RBFOX2: variants seen among roughly 807,000 people sequenced by gnomAD.
RBFOX2 encodes the protein RNA binding fox-1 homolog 2, also known as RNA binding protein fox-1 homolog 2.
In RBFOX2, 10 loss-of-function variants were observed where a neutral mutation model predicts 49.1. The observed-to-expected ratio is 0.20, with a 90% CI of 0.13 to 0.35. The LOEUF (loss-of-function observed/expected upper bound fraction) is 0.35. Among genes scored for constraint, RBFOX2 ranks in the 10% least tolerant of loss-of-function variants. The probability of loss-of-function intolerance (pLI) is 1.00; values close to 1 mark genes in which losing one functional copy is unlikely to be tolerated. For synonymous variants in RBFOX2, 183 were observed against 187.4 expected (o/e 0.98, Z 0.19); for missense variants, 323 against 486.9 (o/e 0.66, Z 3.17).
In RBFOX2 at chr22:35,868,585, AT is replaced by A. The variant is rs202043917; in HGVS notation, c.-33-58582del. Among the ~76,000 whole-genome samples, 8 of 152,004 alleles carry A rather than the reference AT, an allele frequency of 5.3e-5. 1 individual carries two copies. In the South Asian group the frequency reaches 1.3e-3, roughly 24 times the overall value. On this transcript the variant is annotated intron_variant, in intron 1 of 13. Transcript: ENST00000359369. ...GACAACATAGTCAGGCCCTGTCTCT[AT>A]TTTAAAAAAAAAAAAATTAAAAACT...
chr22:35,795,155 C>T (rs535831257), intron 2 of RBFOX2, among the ~76,000 whole-genome samples: 1 of 151,780 alleles, frequency 6.6e-6, no homozygotes, highest in South Asian at 2.1e-4. Flanking sequence ...AATTTTGGAG[C>T]TAAAGGACAG....
intron 1 of RBFOX2, among the ~76,000 whole-genome samples, chr22:35,932,754 G>A (rs1344587123): frequency 1.3e-5 from 2 of 152,124 alleles, no homozygotes; most frequent in Non-Finnish European, 2.9e-5. Context: ...AGTGTCGCAT[G>A]TCTGTAATCC....
At chr22:35,957,216 A>T (rs1259766513) in intron 1 of RBFOX2, among the ~76,000 whole-genome samples, 1 of 152,244 alleles carries the variant, frequency 6.6e-6, no homozygotes, top group East Asian at 1.9e-4. Context: ...CCTACCTCAT[A>T]GGATTGTTAC....
chr22:35,822,332 C>T (rs965254727), intron 1 of RBFOX2, among the ~76,000 whole-genome samples: 9 of 152,156 alleles, frequency 5.9e-5, no homozygotes, highest in Non-Finnish European at 7.3e-5. Flanking sequence ...CTTCATTATA[C>T]CTAGTATTGG....
At chr22:35,986,378 T>C (rs1402816602) in intron 1 of RBFOX2, among the ~76,000 whole-genome samples, 1 of 152,110 alleles carries the variant, frequency 6.6e-6, no homozygotes, top group Non-Finnish European at 1.5e-5. Flanking sequence ...AGACCCATGG[T>C]TTGTGGGCTG....
At chr22:35,896,295 T>C (rs530087741) in intron 1 of RBFOX2, among the ~76,000 whole-genome samples, 2 of 152,318 alleles carry the variant, frequency 1.3e-5, no homozygotes, top group East Asian at 1.9e-4. Context: ...GCATAGTACC[T>C]AGCACACAGT....
chr22:35,926,462 C>CA (rs1340799753), intron 1 of RBFOX2, among the ~76,000 whole-genome samples: 2 of 152,096 alleles, frequency 1.3e-5, no homozygotes, highest in Admixed American at 6.5e-5. Context: ...TGCCTATATA[C>CA]AAAATAACAG....
intron 1 of RBFOX2, among the ~76,000 whole-genome samples, chr22:35,885,775 G>A (rs573107398): frequency 4.7e-5 from 7 of 147,942 alleles, no homozygotes; most frequent in Non-Finnish European, 7.4e-5. Context: ...GTAAAACACC[G>A]TACAAGTTAA....
chr22:35,758,733 G>T (rs1036025857), intron 9 of RBFOX2, among the ~76,000 whole-genome samples: 11 of 152,124 alleles, frequency 7.2e-5, no homozygotes, highest in Non-Finnish European at 1.6e-4. Context: ...GTCTTTTGGA[G>T]CCTGCCCACT....
intron 9 of RBFOX2, chr22:35,752,527 C>T (rs1042264839): frequency 3.1e-5 from 24 of 767,698 alleles, no homozygotes; most frequent in Non-Finnish European, 3.6e-5. Flanking sequence ...CCATCTCTAA[C>T]GTGGAGCTGG....
chr22:35,968,272 A>G lies in RBFOX2; in HGVS notation c.187-29375T>C, dbSNP rs376550264. On this transcript the variant is annotated intron_variant, in intron 1 of 13. Transcript: ENST00000438146. ...AAGGGAAGGGATAGTCATTCAACCA[A>G]TTTAGATGAGCAACAAGTTTTTAAA... Among the ~76,000 whole-genome samples, 23 of 152,350 alleles carry G rather than the reference A, an allele frequency of 1.5e-4. No individual in the cohort carries two copies. In the East Asian group the frequency reaches 3.3e-3, roughly 22 times the overall value.
In RBFOX2 at chr22:35,888,183, G is replaced by A. The variant is rs5750191; in HGVS notation, c.-34+50664C>T. ...TGGATAAAACTCACACAACTGACTC[G>A]CCACCACATACATCAAATTTATGAT... On this transcript the variant is annotated intron_variant, in intron 1 of 13. Coordinates refer to the RBFOX2 transcript ENST00000359369. 2.2e-4 allele frequency among the ~76,000 whole-genome samples: 34 copies of A among 152,168 alleles called. No homozygotes were observed. In the East Asian group the frequency reaches 6.0e-3, roughly 27 times the overall value.
intron 1 of RBFOX2, among the ~76,000 whole-genome samples, chr22:36,006,780 C>T (rs573190953): frequency 1.4e-4 from 21 of 152,248 alleles, no homozygotes; most frequent in African/African-American, 4.8e-4. Flanking sequence ...CCACTCAATA[C>T]GCAGCAACAG....
chr22:35,946,968 G>C (rs2054345193), intron 1 of RBFOX2, among the ~76,000 whole-genome samples: 1 of 152,162 alleles, frequency 6.6e-6, no homozygotes, highest in Admixed American at 6.5e-5. Flanking sequence ...GAGGAGGGAG[G>C]ATCACCTGAG....
At chr22:35,971,254 A>G (rs1163642330) in intron 1 of RBFOX2, among the ~76,000 whole-genome samples, 1 of 152,078 alleles carries the variant, frequency 6.6e-6, no homozygotes, top group East Asian at 1.9e-4. Flanking sequence ...TGTCACACTC[A>G]CCCTTTGGCA....
chr22:35,961,153 A>T (rs577587175), intron 1 of RBFOX2, among the ~76,000 whole-genome samples: 4 of 152,066 alleles, frequency 2.6e-5, no homozygotes, highest in African/African-American at 7.2e-5. Context: ...CCATCCATAT[A>T]AAAAAAATAC....
chr22:35,778,189 T>C, intron 3 of RBFOX2, 111 bp from the exon 5 acceptor site: 1 of 850,342 alleles, frequency 1.2e-6, no homozygotes, highest in Non-Finnish European at 1.9e-6. Context: ...AACTACTTAT[T>C]TAACTTCTAT....
At chr22:36,027,890 C>A (rs2059507922) in intron 1 of RBFOX2, among the ~76,000 whole-genome samples, 1 of 152,118 alleles carries the variant, frequency 6.6e-6, no homozygotes, top group African/African-American at 2.4e-5. Flanking sequence ...TCGACTCAGT[C>A]CAGAGAAGCC....
At chr22:35,819,113 G>A (rs1603289214) in intron 1 of RBFOX2, among the ~76,000 whole-genome samples, 2 of 152,080 alleles carry the variant, frequency 1.3e-5, no homozygotes, top group East Asian at 1.9e-4. Context: ...CTTCATCATA[G>A]CTTCCTCACC....
Sources: gnomAD v4.1 joint callset for allele counts (sites outside exome capture counted in the v4.1 genomes callset) on GRCh38, gnomAD v4.1.1 for gene constraint, MANE v1.5 for transcripts, NCBI Gene and HGNC (gene_info 2026-07-23, HGNC 2026-07-21) for gene names.